RBFOX1: variants seen among roughly 807,000 people sequenced by gnomAD.
The protein encoded by RBFOX1 is RNA binding fox-1 homolog 1.
Under a neutral mutation model 57.7 loss-of-function variants are expected in RBFOX1, and 8 were observed. That is an observed-to-expected ratio of 0.14 (90% CI 0.08 to 0.25). The LOEUF (loss-of-function observed/expected upper bound fraction) is 0.25. Ranked by LOEUF, RBFOX1 falls within the 10% of genes least tolerant of loss-of-function variation. RBFOX1 has a pLI of 1.00. For missense variants in RBFOX1, 611 were observed against 548.5 expected, an observed-to-expected ratio of 1.11 and a Z score of -1.14; for synonymous variants, 326 against 222.4, an observed-to-expected ratio of 1.47 and a Z score of -4.15.
chr16:7,247,829 GC>G (rs1300415616), intron 4 of RBFOX1, among the ~76,000 whole-genome samples: 1 of 152,100 alleles, frequency 6.6e-6, no homozygotes. Flanking sequence ...ATAAGTGGGG[GC>G]TAAATGATGA....
chr16:6,508,108 C>T (rs936266545), intron 2 of RBFOX1, among the ~76,000 whole-genome samples: 4 of 152,102 alleles, frequency 2.6e-5, no homozygotes, highest in East Asian at 1.9e-4. Flanking sequence ...CAAACTAATG[C>T]AGGAGCAGAA....
intron 3 of RBFOX1, among the ~76,000 whole-genome samples, chr16:6,963,902 G>A (rs1254907361): frequency 6.6e-6 from 1 of 152,098 alleles, no homozygotes; most frequent in Non-Finnish European, 1.5e-5. Flanking sequence ...ATTTCACTGT[G>A]TTAGCCAAGA....
intron 1 of RBFOX1, among the ~76,000 whole-genome samples, chr16:6,069,201 C>A (rs1184372480): frequency 6.6e-6 from 1 of 151,932 alleles, no homozygotes; most frequent in African/African-American, 2.4e-5. Flanking sequence ...GAGTTGGAGA[C>A]CAGCCTGACC....
intron 4 of RBFOX1, among the ~76,000 whole-genome samples, chr16:5,991,935 T>A (rs1596359354): frequency 6.6e-6 from 1 of 152,160 alleles, no homozygotes; most frequent in East Asian, 1.9e-4. Flanking sequence ...TTTAAAAAAA[T>A]TTGAACACTT....
chr16:7,609,022 G>A (rs1006474640), intron 10 of RBFOX1, among the ~76,000 whole-genome samples: 6 of 152,196 alleles, frequency 3.9e-5, no homozygotes, highest in African/African-American at 1.4e-4. Flanking sequence ...AACATGGCAT[G>A]TATTGCTGGG....
intron 2 of RBFOX1, among the ~76,000 whole-genome samples, chr16:5,578,844 CTTTTT>C (rs57387602): frequency 2.9e-4 from 32 of 109,076 alleles, no homozygotes; most frequent in African/African-American, 3.5e-4. Flanking sequence ...CACACACACC[CTTTTT>C]TTTTTTTTTT....
intron 4 of RBFOX1, among the ~76,000 whole-genome samples, chr16:7,212,656 C>T (rs1047792902): frequency 2.6e-5 from 4 of 152,014 alleles, no homozygotes; most frequent in Non-Finnish European, 4.4e-5. Flanking sequence ...AAAATAGCCT[C>T]AATATTTGAG....
intron 11 of RBFOX1, among the ~76,000 whole-genome samples, chr16:7,638,722 C>A (rs2062213271): frequency 6.6e-6 from 1 of 152,188 alleles, no homozygotes; most frequent in Admixed American, 6.5e-5. Flanking sequence ...GACTACTGTA[C>A]ATATAGCCAT....
intron 4 of RBFOX1, among the ~76,000 whole-genome samples, chr16:7,288,770 G>T (rs1408368978): frequency 1.3e-5 from 2 of 152,334 alleles, no homozygotes; most frequent in South Asian, 4.1e-4. Context: ...GAACCCAGGG[G>T]ATGGAGGTTA....
chr16:6,061,327 A>T (rs902339661), intron 1 of RBFOX1, among the ~76,000 whole-genome samples: 2 of 152,196 alleles, frequency 1.3e-5, no homozygotes, highest in African/African-American at 4.8e-5. Context: ...ACACAACTAC[A>T]ACCAATGGGT....
intron 1 of RBFOX1, among the ~76,000 whole-genome samples, chr16:6,142,304 C>A (rs1201731570): frequency 6.7e-6 from 1 of 148,808 alleles, no homozygotes; most frequent in Non-Finnish European, 1.5e-5. Flanking sequence ...TCACTGCAAG[C>A]TCCACCTCCT....
chr16:6,539,594 T>A (rs1413030620), intron 2 of RBFOX1, among the ~76,000 whole-genome samples: 1 of 151,838 alleles, frequency 6.6e-6, no homozygotes, highest in Non-Finnish European at 1.5e-5. Flanking sequence ...GGTCGGGAGT[T>A]CAAGACCAGC....
At chr16:6,490,323 G>C (rs137873362) in intron 2 of RBFOX1, among the ~76,000 whole-genome samples, 36 of 152,284 alleles carry the variant, frequency 2.4e-4, no homozygotes, top group Middle Eastern at 3.4e-3. Flanking sequence ...AGTAGAGAGC[G>C]TCAATGAACT....
chr16:6,714,190 ACTT>A (rs2064305299), intron 3 of RBFOX1, among the ~76,000 whole-genome samples: 1 of 152,148 alleles, frequency 6.6e-6, no homozygotes, highest in Admixed American at 6.5e-5. Flanking sequence ...GCCTGCCTCA[ACTT>A]CTGCCAAGAT....
chr16:5,340,292 G>T (rs561891382), intron 1 of RBFOX1, among the ~76,000 whole-genome samples: 1 of 152,278 alleles, frequency 6.6e-6, no homozygotes, highest in African/African-American at 2.4e-5. Context: ...GGAGGAATTT[G>T]GACCAGGTTT....
chr16:5,644,845 G>T (rs2048995250), intron 3 of RBFOX1, among the ~76,000 whole-genome samples: 1 of 152,172 alleles, frequency 6.6e-6, no homozygotes, highest in Non-Finnish European at 1.5e-5. Flanking sequence ...ATGCCGCCAT[G>T]AACGTTCATG....
rs535962134 is a variant in RBFOX1 at position 7,507,310 on chromosome 16, A to G, written c.28-10837A>G. ...CATGAAACAATATAAACTCTTAACT[A>G]TTTTATTCTTCTCTCATGTGTGTAG... On this transcript the variant is annotated intron_variant, in intron 4 of 15. Coordinates refer to ENST00000550418, the MANE Select transcript of RBFOX1 (RefSeq NM_018723.4). Among the ~76,000 whole-genome samples, 5 of 152,248 alleles carry G rather than the reference A, an allele frequency of 3.3e-5. No individual in the cohort carries two copies. In the East Asian group the frequency reaches 7.7e-4, roughly 24 times the overall value.
At chr16:5,846,136 C>T (rs141115621) in intron 3 of RBFOX1, among the ~76,000 whole-genome samples, 318 of 150,708 alleles carry the variant, frequency 2.1e-3, no homozygotes, top group African/African-American at 7.5e-3. Flanking sequence ...GAGCCAAGAT[C>T]GTGCCACTGC....
intron 1 of RBFOX1, among the ~76,000 whole-genome samples, chr16:6,183,357 G>T (rs752856048): frequency 1.3e-5 from 2 of 151,864 alleles, no homozygotes; most frequent in African/African-American, 4.8e-5. Flanking sequence ...CCATACTCCT[G>T]TAATCCCAGC....
Sources: gnomAD v4.1 joint callset for allele counts (sites outside exome capture counted in the v4.1 genomes callset) on GRCh38, gnomAD v4.1.1 for gene constraint, MANE v1.5 for transcripts, NCBI Gene and HGNC (gene_info 2026-07-23, HGNC 2026-07-21) for gene names.